Variants in CLXN observed in about 807,000 individuals in gnomAD.
CLXN encodes calaxin.
chr8:48,729,667 C>T, the CLXN span: 3 of 1,491,232 alleles, frequency 2.0e-6, no homozygotes, highest in Non-Finnish European at 2.7e-6. Flanking sequence ...TTATTTCTAG[C>T]CCATATCTGG....
chr8:48,718,797 C>G, the CLXN span, among the ~76,000 whole-genome samples: 1,360 of 151,856 alleles, frequency 9.0e-3, 10 homozygotes, highest in Middle Eastern at 0.027. Context: ...TACAATGCAG[C>G]AAAAGTAGTA....
At chr8:48,714,717 T>A in the CLXN span, among the ~76,000 whole-genome samples, 3 of 152,178 alleles carry the variant, frequency 2.0e-5, no homozygotes, top group East Asian at 5.8e-4. Flanking sequence ...GGATGGCAGT[T>A]CAGTTGGAAG....
the CLXN span, chr8:48,712,481 A>G: frequency 6.6e-6 from 1 of 152,288 alleles, no homozygotes; most frequent in South Asian, 2.1e-4. Flanking sequence ...AGAGGGAAGT[A>G]AAAATAAATG....
chr8:48,714,233 T>C, the CLXN span, among the ~76,000 whole-genome samples: 1 of 152,164 alleles, frequency 6.6e-6, no homozygotes, highest in Non-Finnish European at 1.5e-5. Context: ...ACCCCAAGGG[T>C]ACTTAGATAC....
the CLXN span, among the ~76,000 whole-genome samples, chr8:48,714,570 C>T: frequency 6.6e-6 from 1 of 152,088 alleles, no homozygotes; most frequent in East Asian, 1.9e-4. Flanking sequence ...ACTCAACATA[C>T]AGTAAAAAGT....
chr8:48,727,246 CCAT>C, the CLXN span, among the ~76,000 whole-genome samples: 116 of 148,326 alleles, frequency 7.8e-4, 1 homozygote, highest in South Asian at 5.6e-3. Flanking sequence ...ATCCATCCAT[CCAT>C]CCATCCATCT....
chr8:48,726,343 C>A, the CLXN span, among the ~76,000 whole-genome samples: 2 of 149,076 alleles, frequency 1.3e-5, no homozygotes, highest in Admixed American at 6.6e-5. Context: ...CATCCATCCA[C>A]CCATCCACCC....
chr8:48,728,094 G>A, the CLXN span, among the ~76,000 whole-genome samples: 1 of 152,108 alleles, frequency 6.6e-6, no homozygotes, highest in Non-Finnish European at 1.5e-5. Flanking sequence ...TGGGAAGAGT[G>A]ATACTGTTTC....
chr8:48,714,120 G>A, the CLXN span: 1 of 152,272 alleles, frequency 6.6e-6, no homozygotes, highest in African/African-American at 2.4e-5. Context: ...AGGTCAGTCA[G>A]GTTGGCTGTA....
chr8:48,730,780 G>A, the CLXN span: 1 of 474,630 alleles, frequency 2.1e-6, no homozygotes, highest in Non-Finnish European at 3.7e-6. Flanking sequence ...TTTGACGAAA[G>A]AGGAAACTAA....
At chr8:48,719,057 A>C in the CLXN span, among the ~76,000 whole-genome samples, 7 of 151,564 alleles carry the variant, frequency 4.6e-5, no homozygotes, top group East Asian at 7.7e-4. Flanking sequence ...CAGACTAAGA[A>C]AAAAAAAAGA....
chr8:48,723,996 A>T, the CLXN span: 1 of 152,206 alleles, frequency 6.6e-6, no homozygotes, highest in South Asian at 2.1e-4. Context: ...GAAACTCAGT[A>T]CATGTTCTCC....
chr8:48,729,828 T>C, the CLXN span: 1 of 1,613,408 alleles, frequency 6.2e-7, no homozygotes, highest in Non-Finnish European at 8.5e-7. Flanking sequence ...TTTCCTCCTT[T>C]GAAATGAATC....
the CLXN span, among the ~76,000 whole-genome samples, chr8:48,725,806 AAAATAAAT>A: frequency 2.1e-3 from 309 of 149,584 alleles, no homozygotes; most frequent in East Asian, 3.3e-3. Context: ...CTCCGTCTCA[AAAATAAAT>A]AAATAAATAA....
At chr8:48,728,007 T>C in the CLXN span, among the ~76,000 whole-genome samples, 5 of 152,090 alleles carry the variant, frequency 3.3e-5, no homozygotes, top group African/African-American at 1.2e-4. Context: ...TGGGTGAGTT[T>C]TGGGGAAAAG....
At chr8:48,735,297 G>T in the CLXN span, 1 of 907,540 alleles carries the variant, frequency 1.1e-6, no homozygotes, top group Non-Finnish European at 1.7e-6. Context: ...AACAGACGGT[G>T]TAGCCAAGGC....
chr8:48,725,744 C>T, the CLXN span, among the ~76,000 whole-genome samples: 4 of 152,014 alleles, frequency 2.6e-5, no homozygotes, highest in Admixed American at 6.5e-5. Context: ...GCGGAGGTTG[C>T]GGTGAGCCGA....
chr8:48,712,619 G>A, the CLXN span, among the ~76,000 whole-genome samples: 5 of 152,344 alleles, frequency 3.3e-5, no homozygotes, highest in South Asian at 6.2e-4. Context: ...CAGTGATGCC[G>A]ATAAAGGCAC....
chr8:48,731,606 AT>A, the CLXN span: 1 of 919,106 alleles, frequency 1.1e-6, no homozygotes, highest in Non-Finnish European at 1.6e-6. Context: ...AAGACATCAA[AT>A]AGGTAATTGT....
Sources: allele counts gnomAD v4.1 joint callset (sites outside exome capture counted in the v4.1 genomes callset), GRCh38; gene constraint gnomAD v4.1.1; transcripts MANE v1.5; gene names NCBI Gene and HGNC (gene_info 2026-07-23, HGNC 2026-07-21).